The following DDX4 variants were observed in gnomAD, a reference collection of about 807,000 sequenced individuals.
The protein encoded by DDX4 is probable ATP-dependent RNA helicase DDX4.
In DDX4, 25 loss-of-function variants were observed where a neutral mutation model predicts 100.0. The observed-to-expected ratio is 0.25, with a 90% CI of 0.18 to 0.35. DDX4 has a LOEUF of 0.35. DDX4 is among the 10% of genes least tolerant of loss of function. The probability of loss-of-function intolerance (pLI) is 1.00; values close to 1 mark genes in which losing one functional copy is unlikely to be tolerated. For synonymous variants in DDX4, 259 were observed against 275.7 expected, an observed-to-expected ratio of 0.94 and a Z score of 0.60; for missense variants, 635 against 882.4, an observed-to-expected ratio of 0.72 and a Z score of 3.55.
At chr5:55,760,050 A>AG in intron 3 of DDX4, 150 bp from the exon 4 acceptor site, 1 of 479,906 alleles carries the variant, frequency 2.1e-6, no homozygotes, top group Non-Finnish European at 3.4e-6. Context: ...TCATGTAGCC[A>AG]TTTTTTTTTT....
At chr5:55,777,214 G>A (rs966919561) in intron 7 of DDX4, among the ~76,000 whole-genome samples, 2 of 152,012 alleles carry the variant, frequency 1.3e-5, no homozygotes, top group Non-Finnish European at 1.5e-5. Flanking sequence ...AAAAAGCATC[G>A]AAAAAACTCT....
chr5:55,782,114 C>A, intron 10 of DDX4, 133 bp downstream of exon 10: 1 of 958,790 alleles, frequency 1.0e-6, no homozygotes, highest in Non-Finnish European at 1.6e-6. Flanking sequence ...CTTTTATACA[C>A]TGTGAGGACC....
chr5:55,791,894 G>A (rs1302212088), intron 16 of DDX4, among the ~76,000 whole-genome samples: 1 of 151,974 alleles, frequency 6.6e-6, no homozygotes, highest in African/African-American at 2.4e-5. Flanking sequence ...GGCATATCAC[G>A]AGGTCAGGAG....
At chr5:55,744,506 T>A (rs2111584720) in intron 2 of DDX4, among the ~76,000 whole-genome samples, 1 of 152,288 alleles carries the variant, frequency 6.6e-6, no homozygotes, top group Non-Finnish European at 1.5e-5. Flanking sequence ...TTACTCAAAT[T>A]GTCATTAATC....
chr5:55,740,316 G>A (rs1561475895), intron 2 of DDX4, among the ~76,000 whole-genome samples: 1 of 151,764 alleles, frequency 6.6e-6, no homozygotes, highest in Non-Finnish European at 1.5e-5. Context: ...ACAGGCGCAT[G>A]CCACCACGCC....
chr5:55,810,977 C>G (rs995230739), intron 18 of DDX4, among the ~76,000 whole-genome samples: 1 of 151,318 alleles, frequency 6.6e-6, no homozygotes, highest in African/African-American at 2.4e-5. Context: ...AATAGGGAAC[C>G]TTTTCTCTTT....
At chr5:55,749,232 GAAACAAAGT>G (rs1368413751) in intron 3 of DDX4, among the ~76,000 whole-genome samples, 1 of 152,112 alleles carries the variant, frequency 6.6e-6, no homozygotes, top group Admixed American at 6.5e-5. Context: ...ACCAGCATGG[GAAACAAAGT>G]AAACAAAGTG....
rs1464078498 is a variant in DDX4, at chr5:55,792,751, A to C, written c.1413A>C (p.Ser471=). 1 of 1,600,054 alleles carries C rather than the reference A, an allele frequency of 6.2e-7. No individual in the cohort carries two copies. The highest frequency in any genetic ancestry group is 2.3e-5 in the East Asian group (1 of 44,092). The change falls in exon 17 of 22, where the codon TCA becomes TCC. Residue 471 remains serine, a synonymous_variant. Coordinates refer to ENST00000505374, the MANE Select transcript of DDX4 (RefSeq NM_024415.3). The part of the protein sequence containing the change: ...KKLISCPGMP[S]KEQRQTLMFS... ...TAATTTCTTGCCCAGGAATGCCATC[A>C]AAGGAACAGCGCCAAACCCTTATGT...
intron 2 of DDX4, among the ~76,000 whole-genome samples, chr5:55,743,034 G>A (rs1338861557): frequency 6.6e-6 from 1 of 152,028 alleles, no homozygotes; most frequent in Non-Finnish European, 1.5e-5. Flanking sequence ...GGGGTATTAG[G>A]GCAACAAGAA....
intron 6 of DDX4, among the ~76,000 whole-genome samples, chr5:55,765,264 T>G (rs540382369): frequency 2.3e-4 from 35 of 151,866 alleles, no homozygotes; most frequent in Non-Finnish European, 7.4e-5. Flanking sequence ...GACCCCTTTG[T>G]AGAGATGGTG....
At chr5:55,754,519 A>G (rs1759802396) in intron 3 of DDX4, among the ~76,000 whole-genome samples, 1 of 148,976 alleles carries the variant, frequency 6.7e-6, no homozygotes, top group Non-Finnish European at 1.5e-5. Context: ...CCCAGGGATG[A>G]AGCCCACTTG....
At chr5:55,761,811 T>C (rs1218967104) in intron 4 of DDX4, among the ~76,000 whole-genome samples, 1 of 152,088 alleles carries the variant, frequency 6.6e-6, no homozygotes, top group Non-Finnish European at 1.5e-5. Context: ...GGTTTCACCA[T>C]GTTGGCCAGG....
At chr5:55,754,147 A>C (rs1314966465) in intron 3 of DDX4, among the ~76,000 whole-genome samples, 1 of 148,434 alleles carries the variant, frequency 6.7e-6, no homozygotes, top group Non-Finnish European at 1.5e-5. Context: ...CTCTTTTCCT[A>C]ATTGAATACC....
At chr5:55,773,048 T>C (rs1329069294) in intron 7 of DDX4, 1 of 152,206 alleles carries the variant, frequency 6.6e-6, no homozygotes, top group Non-Finnish European at 1.5e-5. Context: ...ATAAACTGGG[T>C]AGCTTTGTAA....
chr5:55,739,956 G>C (rs1327383585), intron 2 of DDX4, among the ~76,000 whole-genome samples: 1 of 151,846 alleles, frequency 6.6e-6, no homozygotes, highest in Non-Finnish European at 1.5e-5. Context: ...GCCCAGACTG[G>C]TTTCCAACTC....
At chr5:55,741,393 A>G (rs2080105915) in intron 2 of DDX4, among the ~76,000 whole-genome samples, 1 of 152,200 alleles carries the variant, frequency 6.6e-6, no homozygotes, top group Admixed American at 6.5e-5. Flanking sequence ...TGCAAACTTA[A>G]CACCTGGTGT....
At chr5:55,794,978 T>C (rs1742833840) in intron 17 of DDX4, among the ~76,000 whole-genome samples, 1 of 151,846 alleles carries the variant, frequency 6.6e-6, no homozygotes, top group African/African-American at 2.4e-5. Flanking sequence ...TTTTTTTTTT[T>C]TCTTGAGACA....
At chr5:55,773,760 G>C (rs1035677684) in intron 7 of DDX4, among the ~76,000 whole-genome samples, 1 of 152,032 alleles carries the variant, frequency 6.6e-6, no homozygotes, top group African/African-American at 2.4e-5. Context: ...GTGTAGCTGG[G>C]ACTACAGGCG....
chr5:55,806,302 G>GT lies in DDX4; in HGVS notation c.1616-7363dup, dbSNP rs765904198. Reference sequence around the variant, plus strand: ...CCTGGATTCATTGATTTTTTGAAGGGTTTTTTTTGTCTCTTATTTCCTTCA... The same window carrying GT: ...CCTGGATTCATTGATTTTTTGAAGGGTTTTTTTTTGTCTCTTATTTCCTTCA... On this transcript the variant is annotated intron_variant, in intron 18 of 21. Coordinates refer to ENST00000505374, the MANE Select transcript of DDX4 (RefSeq NM_024415.3). Among the ~76,000 whole-genome samples, 260 of 151,866 alleles carry GT rather than the reference G, an allele frequency of 1.7e-3. 1 individual carries two copies. Among genetic ancestry groups the GT allele is most frequent in the Non-Finnish European group, 2.8e-3 (190 of 67,908 alleles).
Sources: gnomAD v4.1 joint callset for allele counts (sites outside exome capture counted in the v4.1 genomes callset) on GRCh38, gnomAD v4.1.1 for gene constraint, MANE v1.5 for transcripts, NCBI Gene and HGNC (gene_info 2026-07-23, HGNC 2026-07-21) for gene names.